Variants in PDZRN3 observed in about 807,000 individuals in gnomAD.
The protein encoded by PDZRN3 is PDZ domain containing ring finger 3.
In PDZRN3, 38 loss-of-function variants were observed where a neutral mutation model predicts 85.7. The ratio of observed to expected loss-of-function variants is 0.44; its 90% CI spans 0.34 to 0.58. The LOEUF is 0.58. Ranked by LOEUF, PDZRN3 falls within the 20% of genes least tolerant of loss-of-function variation. PDZRN3 has a pLI of 0.01. For missense variants in PDZRN3, 1,629 were observed against 1,506.4 expected (o/e 1.08, Z -1.35); for synonymous variants, 759 against 638.0 (o/e 1.19, Z -2.86).
chr3:73,577,685 A>T (rs1169814807), intron 3 of PDZRN3, among the ~76,000 whole-genome samples: 1 of 152,158 alleles, frequency 6.6e-6, no homozygotes, highest in Non-Finnish European at 1.5e-5. Context: ...CAGAGTGCAC[A>T]GCTCCTGTCT....
At position 73,429,257 on chromosome 3, in the gene PDZRN3, A is replaced by C. The variant is rs76235682; in HGVS notation, c.919-24862T>G. Among the ~76,000 whole-genome samples, 31 of 152,252 alleles carry C rather than the reference A, an allele frequency of 2.0e-4. No homozygotes were observed. In the East Asian group the frequency reaches 5.6e-3, roughly 27 times the overall value. Reference sequence around the variant, plus strand: ...ATACCTACTTTGCCTAAATGAATTCAGAATGTAAAGCTGCTTCTAAAACAA... The same window carrying C: ...ATACCTACTTTGCCTAAATGAATTCCGAATGTAAAGCTGCTTCTAAAACAA... On this transcript the variant is annotated intron_variant, in intron 3 of 9. Coordinates refer to ENST00000263666, the MANE Select transcript of PDZRN3 (RefSeq NM_015009.3).
chr3:73,582,294 GC>G (rs1702214075), intron 3 of PDZRN3, among the ~76,000 whole-genome samples: 1 of 151,804 alleles, frequency 6.6e-6, no homozygotes, highest in Non-Finnish European at 1.5e-5. Flanking sequence ...AATGATTGTG[GC>G]AACTCCACAA....
At chr3:73,386,159 T>C (rs149530209) in intron 8 of PDZRN3, among the ~76,000 whole-genome samples, 2 of 151,262 alleles carry the variant, frequency 1.3e-5, no homozygotes, top group East Asian at 3.9e-4. Flanking sequence ...CATAGAAAAA[T>C]GATTTTCAGT....
chr3:73,467,171 T>C (rs1703236454), intron 3 of PDZRN3, among the ~76,000 whole-genome samples: 1 of 152,204 alleles, frequency 6.6e-6, no homozygotes, highest in Non-Finnish European at 1.5e-5. Flanking sequence ...ATGGGATTAA[T>C]GAGCAGCTTC....
At chr3:73,414,515 T>C (rs1018136703) in intron 3 of PDZRN3, among the ~76,000 whole-genome samples, 1 of 152,242 alleles carries the variant, frequency 6.6e-6, no homozygotes, top group Non-Finnish European at 1.5e-5. Context: ...GGCTCCTGCA[T>C]AGCCAACTAG....
At chr3:73,465,290 C>A (rs554153148) in intron 3 of PDZRN3, among the ~76,000 whole-genome samples, 1 of 152,268 alleles carries the variant, frequency 6.6e-6, no homozygotes, top group East Asian at 1.9e-4. Context: ...TTAGTTTTTG[C>A]ATTTTGAATC....
At chr3:73,584,147 GA>G (rs201843833) in intron 3 of PDZRN3, among the ~76,000 whole-genome samples, 8 of 149,740 alleles carry the variant, frequency 5.3e-5, no homozygotes, top group South Asian at 2.1e-4. Context: ...AAAAAAAGAG[GA>G]AAAAAAAAGC....
chr3:73,569,444 A>C, intron 3 of PDZRN3: 1 of 1,138,462 alleles, frequency 8.8e-7, no homozygotes, highest in South Asian at 2.0e-5. Context: ...ACGTTCTCTT[A>C]AGCCCCGAGG....
intron 3 of PDZRN3, among the ~76,000 whole-genome samples, chr3:73,592,575 T>C (rs1046637782): frequency 3.3e-5 from 5 of 152,038 alleles, no homozygotes; most frequent in Non-Finnish European, 5.9e-5. Context: ...TTCTATGCAG[T>C]TCACGTGGTC....
chr3:73,624,905 C>G lies in PDZRN3; in HGVS notation c.-80G>C. On this transcript the variant is annotated 5_prime_UTR_variant, in exon 1 of 10. Coordinates refer to ENST00000263666, the MANE Select transcript of PDZRN3 (RefSeq NM_015009.3). Reference sequence around the variant, plus strand: ...CCACGAGGCGGCCCAGACAGGCCGGCTACGCCGCCCGCGCGCTCGCTGGCT... The same window carrying G: ...CCACGAGGCGGCCCAGACAGGCCGGGTACGCCGCCCGCGCGCTCGCTGGCT... The G allele has an allele frequency of 9.1e-7, 1 of 1,103,892 alleles. No homozygotes were observed. The highest frequency in any genetic ancestry group is 1.1e-6 in the Non-Finnish European group (1 of 870,264). The allele number at this position is 1,103,892 out of a possible 1,614,324, so 68.4% of individuals were successfully genotyped here. A position where few individuals can be genotyped will look rare whatever the true frequency, so the allele number is the denominator to read the frequency against.
At position 73,384,044 on chromosome 3, in the gene PDZRN3, C is replaced by T. The variant is rs538563914; in HGVS notation, c.2522G>A (p.Arg841Lys). 15 of 1,602,814 alleles carry T rather than the reference C, an allele frequency of 9.4e-6. No individual in the cohort carries two copies. Among genetic ancestry groups the T allele is most frequent in the South Asian group, 3.4e-5 (3 of 89,412 alleles). The change falls in exon 10 of 10, where the codon AGA becomes AAA. Residue 841 changes from arginine to lysine, a missense_variant. Arg to Lys is a conservative substitution (Grantham distance 26, BLOSUM62 2). Transcript: ENST00000263666. Reference sequence around the variant, plus strand: ...GGGGCTCCGGCTCCCGTCGCTGGCTCTCCGCTCTTTGCTTTCCAGGGGCTG... The same window carrying T: ...GGGGCTCCGGCTCCCGTCGCTGGCTTTCCGCTCTTTGCTTTCCAGGGGCTG... ...PNQPLESKER[R>K]ASDGSRSPTP...
intron 1 of PDZRN3, among the ~76,000 whole-genome samples, chr3:73,623,316 A>C (rs540500356): frequency 6.6e-6 from 1 of 152,384 alleles, no homozygotes; most frequent in South Asian, 2.1e-4. Context: ...CAAAAAGCCC[A>C]GATTTGAAAA....
chr3:73,420,988 AT>A (rs1339827718), intron 3 of PDZRN3, among the ~76,000 whole-genome samples: 1 of 152,230 alleles, frequency 6.6e-6, no homozygotes, highest in Non-Finnish European at 1.5e-5. Context: ...CCTCTAGATT[AT>A]TTATAATACC....
chr3:73,597,345 CG>C (rs1702445068), intron 3 of PDZRN3, among the ~76,000 whole-genome samples: 1 of 152,124 alleles, frequency 6.6e-6, no homozygotes, highest in South Asian at 2.1e-4. Flanking sequence ...AGAGAATGAC[CG>C]GTTTACACAA....
rs199638598 is a variant in PDZRN3 at position 73,554,617 on chromosome 3, T to C, written c.918+47737A>G. ...ACTGTCACACTGCAGTTTTCAAAAC[T>C]GAGGTAAAGACTTCCATATCCCAAC... is the stretch of plus-strand genomic sequence containing the variant. On this transcript the variant is annotated intron_variant, in intron 3 of 9. Coordinates refer to ENST00000263666, the MANE Select transcript of PDZRN3 (RefSeq NM_015009.3). Among the ~76,000 whole-genome samples, 3 of 152,098 alleles carry C rather than the reference T, an allele frequency of 2.0e-5. No individual in the cohort carries two copies. In the East Asian group the frequency reaches 5.8e-4, roughly 29 times the overall value.
At chr3:73,568,176 C>G (rs1339556302) in intron 3 of PDZRN3, among the ~76,000 whole-genome samples, 1 of 152,136 alleles carries the variant, frequency 6.6e-6, no homozygotes, top group Non-Finnish European at 1.5e-5. Context: ...ACCAAAGCCA[C>G]AAGCCACCTC....
intron 3 of PDZRN3, among the ~76,000 whole-genome samples, chr3:73,470,912 T>C (rs1703325176): frequency 6.6e-6 from 1 of 152,190 alleles, no homozygotes; most frequent in African/African-American, 2.4e-5. Flanking sequence ...CATTCCAAAT[T>C]GACTTAGACA....
intron 3 of PDZRN3, among the ~76,000 whole-genome samples, chr3:73,477,693 G>T (rs1459981197): frequency 1.3e-5 from 2 of 152,184 alleles, no homozygotes; most frequent in Non-Finnish European, 2.9e-5. Context: ...ATGCTGCCAT[G>T]AATCCCTAAA....
At chr3:73,452,174 TC>T (rs1207124392) in intron 3 of PDZRN3, among the ~76,000 whole-genome samples, 2 of 152,068 alleles carry the variant, frequency 1.3e-5, no homozygotes, top group Non-Finnish European at 2.9e-5. Context: ...ACAGACTGAC[TC>T]CTTTATCTCC....
Sources: gnomAD v4.1 joint callset for allele counts (sites outside exome capture counted in the v4.1 genomes callset) on GRCh38, gnomAD v4.1.1 for gene constraint, MANE v1.5 for transcripts, NCBI Gene and HGNC (gene_info 2026-07-23, HGNC 2026-07-21) for gene names.